The following ADGRE2 variants were observed in gnomAD, a reference collection of about 807,000 sequenced individuals.
ADGRE2 encodes the protein adhesion G protein-coupled receptor E2.
A neutral mutation model predicts 100.8 loss-of-function variants in ADGRE2; 83 were observed. The ratio of observed to expected loss-of-function variants is 0.82; its 90% CI spans 0.69 to 0.99. ADGRE2 has a LOEUF of 0.99. Among genes scored for constraint, ADGRE2 ranks in the 50% least tolerant of loss-of-function variants. The pLI, the probability that ADGRE2 is intolerant of heterozygous loss-of-function variation, is 0.00. For synonymous variants in ADGRE2, 355 were observed against 413.0 expected, an observed-to-expected ratio of 0.86 and a Z score of 1.70; for missense variants, 814 against 1,035.7, an observed-to-expected ratio of 0.79 and a Z score of 2.94.
chr19:14,728,348 T>C (rs4808387), downstream of ADGRE2, among the ~76,000 whole-genome samples: 44,929 of 152,170 alleles, frequency 0.3, 7,001 homozygotes, highest in South Asian at 0.54. Context: ...GTGTCTCTTC[T>C]TATGCTAGGG....
At chr19:14,770,871 G>A (rs919138523) in intron 5 of ADGRE2, among the ~76,000 whole-genome samples, 3 of 151,242 alleles carry the variant, frequency 2.0e-5, no homozygotes, top group Admixed American at 2.0e-4. Flanking sequence ...GTAGAGATGG[G>A]GTTTCACTAT....
intron 20 of ADGRE2, chr19:14,741,791 C>T (rs1407672147): frequency 2.8e-6 from 1 of 356,708 alleles, no homozygotes; most frequent in Non-Finnish European, 5.0e-6. Flanking sequence ...GGCCGAGACT[C>T]TGTACATTTG....
At position 14,759,488 on chromosome 19, in the gene ADGRE2, C is replaced by CATATATATAT. The variant is rs147074153; in HGVS notation, c.1085-3153_1085-3144dup. On this transcript the variant is annotated intron_variant, in intron 11 of 20. Transcript: ENST00000315576. Reference sequence around the variant, plus strand: ...AGTTAGACAAAAAGTATAAGTTATACATATATATATATATATTTTTTTTTT... The same window carrying CATATATATAT: ...AGTTAGACAAAAAGTATAAGTTATACATATATATATATATATATATATATATTTTTTTTTT... Among the ~76,000 whole-genome samples, 258 of 133,562 alleles carry CATATATATAT rather than the reference C, an allele frequency of 1.9e-3. 1 individual carries two copies. Among genetic ancestry groups the CATATATATAT allele is most frequent in the African/African-American group, 2.9e-3 (94 of 32,192 alleles). 87.6% of individuals were successfully genotyped at this position (133,562 alleles called of 152,430 possible).
chr19:14,745,594 A>G (rs2043062886), intron 18 of ADGRE2, among the ~76,000 whole-genome samples: 1 of 151,902 alleles, frequency 6.6e-6, no homozygotes. Flanking sequence ...GGAATCTATC[A>G]TTCTACTTTA....
chr19:14,760,180 TC>T (rs760464947), intron 11 of ADGRE2, among the ~76,000 whole-genome samples: 12 of 152,130 alleles, frequency 7.9e-5, no homozygotes, highest in Non-Finnish European at 1.5e-4. Context: ...ATGATGTATT[TC>T]AAAGTAGTTA....
intron 11 of ADGRE2, among the ~76,000 whole-genome samples, chr19:14,763,035 T>C (rs2043785452): frequency 6.6e-6 from 1 of 152,164 alleles, no homozygotes; most frequent in African/African-American, 2.4e-5. Flanking sequence ...TGCATTTTCA[T>C]GCTTTAAAAA....
chr19:14,753,291 G>C (rs939791622), intron 14 of ADGRE2, among the ~76,000 whole-genome samples: 15 of 152,136 alleles, frequency 9.9e-5, no homozygotes, highest in South Asian at 2.1e-4. Flanking sequence ...ACTTGTGGAG[G>C]GGGGAGCTAG....
intron 5 of ADGRE2, among the ~76,000 whole-genome samples, chr19:14,770,682 T>TTTC (rs1568623337): frequency 3.9e-5 from 5 of 126,732 alleles, no homozygotes; most frequent in East Asian, 2.2e-4. Context: ...TTTTTTTTTT[T>TTTC]TTTTTTTTTT....
Position 14,733,764 on chromosome 19 carries a change from C to G in ADGRE2, c.*2472G>C, listed in dbSNP as rs1344319028. On this transcript the variant is annotated 3_prime_UTR_variant, in exon 21 of 21. Coordinates refer to ENST00000315576, the MANE Select transcript of ADGRE2 (RefSeq NM_013447.4). The stretch of plus-strand genomic sequence containing the variant: ...TCAAGCCACTTTTTGTGTTTCTTTC[C>G]TCTTTCTTTAATTCTTACACTGACC... 6.6e-6 allele frequency: 1 copy of G among 152,150 alleles called. No homozygotes were observed. Among genetic ancestry groups the G allele is most frequent in the Admixed American group, 6.5e-5 (1 of 15,270 alleles). The allele number at this position is 152,150 out of a possible 1,614,324, so 9.4% of individuals were successfully genotyped here. A position where few individuals can be genotyped will look rare whatever the true frequency, so the allele number is the denominator to read the frequency against.
chr19:14,769,797 C>T (rs1284384582), intron 5 of ADGRE2, among the ~76,000 whole-genome samples: 44 of 152,144 alleles, frequency 2.9e-4, no homozygotes, highest in Admixed American at 2.8e-3. Flanking sequence ...CTCCCAGGTT[C>T]ATGCCATTCT....
chr19:14,764,561 T>C lies in ADGRE2; in HGVS notation c.956A>G (p.Glu319Gly). 1 of 1,612,860 alleles carries C rather than the reference T, an allele frequency of 6.2e-7. No homozygotes were observed. The highest frequency in any genetic ancestry group is 8.5e-7 in the Non-Finnish European group (1 of 1,179,924). ...DELLEAPGDLETLPRLQQHCV... is the reference protein window; with the variant it reads ...DELLEAPGDLGTLPRLQQHCV... Reference sequence around the variant, plus strand: ...GTGCTGCTGTAAGCGGGGCAGGGTCTCCAGGTCCCCAGGGGCCTCCAGCAG... The same window carrying C: ...GTGCTGCTGTAAGCGGGGCAGGGTCCCCAGGTCCCCAGGGGCCTCCAGCAG... The change falls in exon 11 of 21, where the codon GAG (glutamate) becomes GGG (glycine). Residue 319 changes from glutamate to glycine, a missense_variant. Physicochemically the swap from Glu to Gly is moderately conservative, Grantham distance 98. Around this residue, in one of 5 missense-constraint regions of ADGRE2, gnomAD observed 569 missense variants for 692.7 expected, o/e 0.82. Coordinates refer to ENST00000315576, the MANE Select transcript of ADGRE2 (RefSeq NM_013447.4).
chr19:14,764,342 C>T lies in ADGRE2; in HGVS notation c.1084+91G>A. Reference sequence around the variant, plus strand: ...TGTCGATGAGAGTAACACTGATATACAGGTGTGGTCACTTGGCTCTGGTGG... The same window carrying T: ...TGTCGATGAGAGTAACACTGATATATAGGTGTGGTCACTTGGCTCTGGTGG... On this transcript the variant is annotated intron_variant, in intron 11 of 20. Transcript: ENST00000315576. 4.4e-6 allele frequency: 5 copies of T among 1,136,274 alleles called. No individual in the cohort carries two copies. The South Asian group carries it at 6.5e-5, about 15-fold the overall frequency. The allele number at this position is 1,136,274 out of a possible 1,614,324, so 70.4% of individuals were successfully genotyped here.
chr19:14,744,171 G>A (rs187242831), intron 18 of ADGRE2, among the ~76,000 whole-genome samples: 294 of 152,058 alleles, frequency 1.9e-3, no homozygotes, highest in Middle Eastern at 6.8e-3. Flanking sequence ...TTGAACTCAG[G>A]AGGCGGAGGT....
rs200295887 is a variant in ADGRE2 at position 14,746,277 on chromosome 19, C to G, written c.2138G>C (p.Arg713Thr). ...CACTTCACTATTGAGGGAGGAGAGT[C>G]TGTTTTTCAAAATCCAGAGAGTCAC... Reference protein sequence around the residue: ...FLVTLWILKNRLSSLNSEVST... With the variant: ...FLVTLWILKNTLSSLNSEVST... Residue 713 changes from arginine to threonine, a missense_variant, in exon 18 of 21, where the codon AGA (arginine) becomes ACA (threonine). Arg to Thr is a moderately conservative substitution (Grantham distance 71). Around this residue, in one of 5 missense-constraint regions of ADGRE2, gnomAD observed 569 missense variants for 692.7 expected, o/e 0.82. Coordinates refer to ENST00000315576, the MANE Select transcript of ADGRE2 (RefSeq NM_013447.4). The G allele has an allele frequency of 4.7e-5, 75 of 1,611,210 alleles. No homozygotes were observed. In the African/African-American group the frequency reaches 9.0e-4, roughly 19 times the overall value.
chr19:14,743,172 C>T (rs2042979875), intron 20 of ADGRE2, among the ~76,000 whole-genome samples: 1 of 151,998 alleles, frequency 6.6e-6, no homozygotes, highest in Non-Finnish European at 1.5e-5. Context: ...CTCCTGGCCT[C>T]AGGTGATCCT....
intron 12 of ADGRE2, 148 bp from the exon 13 acceptor site, chr19:14,756,025 T>A: frequency 1.3e-6 from 1 of 767,004 alleles, no homozygotes; most frequent in East Asian, 2.7e-5. Flanking sequence ...AATCTTTAGT[T>A]CTATGTGTAT....
intron 20 of ADGRE2, among the ~76,000 whole-genome samples, chr19:14,741,091 GTTTTTTT>G (rs71333309): frequency 8.6e-6 from 1 of 116,712 alleles, no homozygotes. Context: ...TGAATAGGCT[GTTTTTTT>G]TTTTTTTTTT....
At chr19:14,764,288 G>A (rs973618179) in intron 11 of ADGRE2, 145 bp downstream of exon 11, 1 of 712,494 alleles carries the variant, frequency 1.4e-6, no homozygotes, top group South Asian at 1.8e-5. Context: ...AGACTGGTAT[G>A]TATTTCTTTT....
downstream of ADGRE2, among the ~76,000 whole-genome samples, chr19:14,730,443 C>CTTCCAT (rs1480122010): frequency 1.4e-3 from 219 of 151,972 alleles, no homozygotes; most frequent in African/African-American, 5.0e-3. Context: ...TTCCTTCTTT[C>CTTCCAT]CTTCCTCCCT....
Sources: gnomAD v4.1 joint callset for allele counts (sites outside exome capture counted in the v4.1 genomes callset) on GRCh38, gnomAD v4.1.1 for gene constraint, gnomAD v4.1.1 regional missense constraint, MANE v1.5 for transcripts, NCBI Gene and HGNC (gene_info 2026-07-23, HGNC 2026-07-21) for gene names.